TENM3: variants seen among roughly 807,000 people sequenced by gnomAD.
TENM3 encodes teneurin transmembrane protein 3, also known as teneurin-3.
Under a neutral mutation model 255.1 loss-of-function variants are expected in TENM3, and 63 were observed. The ratio of observed to expected loss-of-function variants is 0.25; its 90% CI spans 0.20 to 0.30. The LOEUF is 0.30. TENM3 is among the 10% of genes least tolerant of loss of function. TENM3 has a pLI of 1.00. For missense variants in TENM3, 2,929 were observed against 3,461.1 expected (o/e 0.85, Z 3.86); for synonymous variants, 1,306 against 1,322.3 (o/e 0.99, Z 0.27).
chr4:181,784,814 A>G, the TENM3 span, among the ~76,000 whole-genome samples: 1 of 152,156 alleles, frequency 6.6e-6, no homozygotes, highest in African/African-American at 2.4e-5. Flanking sequence ...ACCATTTTTA[A>G]GTTTATTCAA....
the TENM3 span, among the ~76,000 whole-genome samples, chr4:181,753,925 C>T: frequency 6.6e-6 from 1 of 152,096 alleles, no homozygotes; most frequent in Admixed American, 6.6e-5. Flanking sequence ...CGGCAGGCAA[C>T]ACTGGGGGGA....
chr4:182,132,499 A>T, the TENM3 span, among the ~76,000 whole-genome samples: 1 of 152,136 alleles, frequency 6.6e-6, no homozygotes, highest in African/African-American at 2.4e-5. Flanking sequence ...CAAAAAAAAA[A>T]GTGTTATATT....
chr4:182,251,724 TA>T (rs1398060609), intron 1 of TENM3, among the ~76,000 whole-genome samples: 2 of 152,222 alleles, frequency 1.3e-5, no homozygotes, highest in Non-Finnish European at 2.9e-5. Flanking sequence ...AGTTTCATGA[TA>T]CATGCTGACA....
At chr4:182,561,567 G>A (rs1356212163) in intron 3 of TENM3, among the ~76,000 whole-genome samples, 1 of 151,816 alleles carries the variant, frequency 6.6e-6, no homozygotes, top group African/African-American at 2.4e-5. Flanking sequence ...CTAAATGTTT[G>A]CACTGAAAGT....
the TENM3 span, among the ~76,000 whole-genome samples, chr4:182,034,219 C>A: frequency 6.6e-6 from 1 of 152,248 alleles, no homozygotes; most frequent in South Asian, 2.1e-4. Context: ...CTCTACCTGG[C>A]CCCACCCTTA....
chr4:182,154,274 T>TA (rs1320173856), intron 1 of TENM3, among the ~76,000 whole-genome samples: 1 of 152,088 alleles, frequency 6.6e-6, no homozygotes, highest in African/African-American at 2.4e-5. Context: ...CCCTCGTTAT[T>TA]ACTTTTAAAA....
the TENM3 span, among the ~76,000 whole-genome samples, chr4:182,084,515 C>G: frequency 6.6e-6 from 1 of 152,046 alleles, no homozygotes; most frequent in Non-Finnish European, 1.5e-5. Context: ...TTTTTCACTC[C>G]CACTAATTGG....
chr4:181,671,705 T>A, the TENM3 span, among the ~76,000 whole-genome samples: 1 of 152,186 alleles, frequency 6.6e-6, no homozygotes, highest in Non-Finnish European at 1.5e-5. Flanking sequence ...AATTGCCTAC[T>A]TTTCCCATCC....
intron 3 of TENM3, among the ~76,000 whole-genome samples, chr4:182,362,128 C>T (rs1346133790): frequency 1.3e-5 from 2 of 152,166 alleles, no homozygotes; most frequent in South Asian, 2.1e-4. Flanking sequence ...TCTGCCCCTA[C>T]TGGGGGGTGC....
intron 18 of TENM3, among the ~76,000 whole-genome samples, chr4:182,740,946 G>A (rs1357680982): frequency 3.3e-5 from 5 of 152,170 alleles, no homozygotes; most frequent in South Asian, 2.1e-4. Context: ...GGAGGCTGAG[G>A]TGGGCAGATC....
chr4:182,318,111 C>T (rs559957598), intron 1 of TENM3, among the ~76,000 whole-genome samples: 39 of 152,194 alleles, frequency 2.6e-4, no homozygotes, highest in Non-Finnish European at 4.4e-4. Context: ...GATAGGAGGA[C>T]ACTATATAGA....
At chr4:182,156,926 G>A (rs921759816) in intron 1 of TENM3, among the ~76,000 whole-genome samples, 5 of 152,112 alleles carry the variant, frequency 3.3e-5, no homozygotes, top group African/African-American at 1.2e-4. Flanking sequence ...TTCTAGTTGA[G>A]GCATGATATA....
At chr4:181,547,653 T>C in the TENM3 span, among the ~76,000 whole-genome samples, 1 of 152,012 alleles carries the variant, frequency 6.6e-6, no homozygotes, top group South Asian at 2.1e-4. Flanking sequence ...CAATTAAACA[T>C]GAGATTTTCC....
At chr4:182,708,797 C>CAAAA (rs530056176) in intron 12 of TENM3, among the ~76,000 whole-genome samples, 1 of 104,422 alleles carries the variant, frequency 9.6e-6, no homozygotes, top group East Asian at 3.7e-4. Context: ...GACTCCGTCT[C>CAAAA]AAAAAAAAAA....
At chr4:181,958,332 T>C in the TENM3 span, among the ~76,000 whole-genome samples, 1 of 152,316 alleles carries the variant, frequency 6.6e-6, no homozygotes, top group South Asian at 2.1e-4. Flanking sequence ...TCTTTTTGTT[T>C]GTTTGTTTTT....
At chr4:182,214,534 A>G (rs1378397435) in intron 1 of TENM3, among the ~76,000 whole-genome samples, 4 of 150,868 alleles carry the variant, frequency 2.7e-5, no homozygotes, top group Non-Finnish European at 5.9e-5. Context: ...TTATTTATTT[A>G]TTTATTTATT....
the TENM3 span, among the ~76,000 whole-genome samples, chr4:182,038,587 C>G: frequency 1.3e-5 from 2 of 152,154 alleles, no homozygotes; most frequent in Non-Finnish European, 2.9e-5. Context: ...TCTGGCACTT[C>G]ACCGAGCCTA....
chr4:182,658,641 AC>A (rs1428152263), intron 6 of TENM3, among the ~76,000 whole-genome samples: 1 of 152,216 alleles, frequency 6.6e-6, no homozygotes, highest in African/African-American at 2.4e-5. Context: ...TACATAACAA[AC>A]CATAACAAAA....
intron 23 of TENM3, among the ~76,000 whole-genome samples, 177 bp from the exon 24 acceptor site, chr4:182,774,741 C>A (rs1764537656): frequency 6.6e-6 from 1 of 152,192 alleles, no homozygotes; most frequent in African/African-American, 2.4e-5. Context: ...TTAGCCAAAC[C>A]TCTGACAGCA....
Sources: gnomAD v4.1 joint callset for allele counts (sites outside exome capture counted in the v4.1 genomes callset) on GRCh38, gnomAD v4.1.1 for gene constraint, MANE v1.5 for transcripts, NCBI Gene and HGNC (gene_info 2026-07-23, HGNC 2026-07-21) for gene names.